ATL1: variants seen among roughly 807,000 people sequenced by gnomAD.
ATL1 encodes atlastin GTPase 1.
A neutral mutation model predicts 75.5 loss-of-function variants in ATL1; 31 were observed. The ratio of observed to expected loss-of-function variants is 0.41; its 90% CI spans 0.31 to 0.55. The LOEUF is 0.55. Among genes scored for constraint, ATL1 ranks in the 20% least tolerant of loss-of-function variants. The probability of loss-of-function intolerance (pLI) is 0.27; values close to 1 mark genes in which losing one functional copy is unlikely to be tolerated. For synonymous variants in ATL1, 226 were observed against 233.3 expected (o/e 0.97, Z 0.28); for missense variants, 405 against 662.6 (o/e 0.61, Z 4.27).
chr14:50,603,850 A>G (rs2039293091), intron 6 of ATL1, among the ~76,000 whole-genome samples: 1 of 152,158 alleles, frequency 6.6e-6, no homozygotes, highest in South Asian at 2.1e-4. Flanking sequence ...TATCTACCCT[A>G]TCCCATGTTC....
chr14:50,533,827 G>C (rs1194506173), intron 1 of ATL1, among the ~76,000 whole-genome samples: 1 of 152,060 alleles, frequency 6.6e-6, no homozygotes, highest in Non-Finnish European at 1.5e-5. Flanking sequence ...GTTGATAATT[G>C]TATAATGTAG....
chr14:50,627,950 A>C, intron 11 of ATL1, 81 bp from the exon 12 acceptor site: 1 of 1,368,104 alleles, frequency 7.3e-7, no homozygotes, highest in Admixed American at 1.8e-5. Context: ...TAACAAACTC[A>C]ACTAGCTAAG....
In ATL1 at chr14:50,587,827, A is replaced by G; in HGVS notation, c.35-4A>G. The G allele has an allele frequency of 6.2e-7, 1 of 1,614,234 alleles. No homozygotes were observed. The highest frequency in any genetic ancestry group is 8.5e-7 in the Non-Finnish European group (1 of 1,180,046). Reference sequence around the variant, plus strand: ...GCTGAACCAGTCACTGCTCTGTTCAACAGGTGGATTTTCGGAAAAGACATA... The same window carrying G: ...GCTGAACCAGTCACTGCTCTGTTCAGCAGGTGGATTTTCGGAAAAGACATA... On this transcript the variant is annotated splice_polypyrimidine_tract_variant and splice_region_variant and intron_variant, in intron 1 of 13. Coordinates refer to ENST00000358385, the MANE Select transcript of ATL1 (RefSeq NM_015915.5).
At chr14:50,629,827 A>G (rs1419128514) in intron 12 of ATL1, among the ~76,000 whole-genome samples, 168 bp from the exon 13 acceptor site, 1 of 152,190 alleles carries the variant, frequency 6.6e-6, no homozygotes, top group Non-Finnish European at 1.5e-5. Flanking sequence ...TACAGAATTG[A>G]GTTCTTCAAA....
chr14:50,557,605 G>A (rs924256606), upstream of ATL1, among the ~76,000 whole-genome samples: 2 of 152,106 alleles, frequency 1.3e-5, no homozygotes, highest in African/African-American at 4.8e-5. Context: ...GGGCATTCAG[G>A]TTGTTTCCAG....
chr14:50,557,462 C>A (rs1379345844), upstream of ATL1, among the ~76,000 whole-genome samples: 1 of 152,030 alleles, frequency 6.6e-6, no homozygotes, highest in Non-Finnish European at 1.5e-5. Context: ...TCACTTTTTC[C>A]TCCTCATTTA....
At chr14:50,631,221 C>G (rs1395282504) in intron 13 of ATL1, 1 of 166,356 alleles carries the variant, frequency 6.0e-6, no homozygotes, top group Non-Finnish European at 1.3e-5. Flanking sequence ...CGTGCCACCA[C>G]TGCATTCCAG....
chr14:50,591,944 G>A (rs940654962), intron 4 of ATL1: 5 of 289,166 alleles, frequency 1.7e-5, no homozygotes, highest in Admixed American at 4.8e-5. Context: ...TCTTATATGC[G>A]TATACATTGA....
chr14:50,560,473 A>T, intron 1 of ATL1, 174 bp downstream of exon 1: 1 of 826,434 alleles, frequency 1.2e-6, no homozygotes, highest in Non-Finnish European at 1.9e-6. Context: ...GCCGAGCGGT[A>T]CCCGCGTCAC....
intron 1 of ATL1, among the ~76,000 whole-genome samples, chr14:50,539,938 T>C (rs755933242): frequency 6.6e-6 from 1 of 152,162 alleles, no homozygotes; most frequent in Non-Finnish European, 1.5e-5. Flanking sequence ...TGCTCTGTTA[T>C]AGTCATTCTG....
chr14:50,628,590 G>A (rs2039546200), intron 12 of ATL1, 128 bp downstream of exon 12: 1 of 911,088 alleles, frequency 1.1e-6, no homozygotes, highest in South Asian at 1.4e-5. Context: ...AGAATGTTAT[G>A]ACCTGCCCAG....
chr14:50,561,164 G>A (rs1302634062), intron 1 of ATL1: 2 of 152,256 alleles, frequency 1.3e-5, no homozygotes, highest in South Asian at 2.1e-4. Context: ...AAGAACGGGC[G>A]CAGCGATGCG....
intron 8 of ATL1, among the ~76,000 whole-genome samples, chr14:50,620,000 C>T (rs1273750534): frequency 2.0e-5 from 3 of 152,306 alleles, no homozygotes; most frequent in East Asian, 3.9e-4. Context: ...TGGCTCATGC[C>T]TGTAATCCCA....
chr14:50,541,381 T>G (rs2038558010), intron 1 of ATL1, among the ~76,000 whole-genome samples: 2 of 152,214 alleles, frequency 1.3e-5, no homozygotes, highest in Non-Finnish European at 2.9e-5. Context: ...GAACGAGAGA[T>G]AAACCCAGTT....
At chr14:50,559,108 T>C (rs2038800868), upstream of ATL1, 1 of 152,248 alleles carries the variant, frequency 6.6e-6, no homozygotes, top group Admixed American at 6.5e-5. Flanking sequence ...AGTATAGATT[T>C]GGGAATCATC....
chr14:50,625,663 C>T (rs2140236937), intron 11 of ATL1, among the ~76,000 whole-genome samples: 1 of 152,220 alleles, frequency 6.6e-6, no homozygotes, highest in Middle Eastern at 3.4e-3. Flanking sequence ...CACACCTGCA[C>T]TTTGGGAGGC....
intron 1 of ATL1, among the ~76,000 whole-genome samples, chr14:50,567,097 T>G (rs889381708): frequency 5.9e-5 from 9 of 152,206 alleles, no homozygotes; most frequent in Non-Finnish European, 1.3e-4. Context: ...CTTGCAAAAC[T>G]GAAACTCTGT....
rs781562624 is a variant in ATL1 at position 50,593,875 on chromosome 14, G to A, written c.552G>A (p.Glu184=). 56 of 1,607,766 alleles carry A rather than the reference G, an allele frequency of 3.5e-5. No homozygotes were observed. The highest frequency in any genetic ancestry group is 4.5e-5 in the Non-Finnish European group (53 of 1,174,802). The stretch of plus-strand genomic sequence containing the variant: ...ATAACTTATCCCAAAATGTCCAGGA[G>A]GATGATCTTCAGCACCTCCAGGTAA... The part of the protein sequence containing the change: ...QVYNLSQNVQ[E]DDLQHLQLFT... Residue 184 remains glutamate, a synonymous_variant, in exon 5 of 14, where the codon GAG becomes GAA. Transcript: ENST00000358385.
At chr14:50,588,349 T>C (rs1007503561) in intron 2 of ATL1, among the ~76,000 whole-genome samples, 1 of 152,234 alleles carries the variant, frequency 6.6e-6, no homozygotes, top group African/African-American at 2.4e-5. Flanking sequence ...ATATTCTGAT[T>C]ATAGACTTAA....
Sources: gnomAD v4.1 joint callset for allele counts (sites outside exome capture counted in the v4.1 genomes callset) on GRCh38, gnomAD v4.1.1 for gene constraint, MANE v1.5 for transcripts, NCBI Gene and HGNC (gene_info 2026-07-23, HGNC 2026-07-21) for gene names.